Variants in CSPG4 observed in about 807,000 individuals in gnomAD.
The protein encoded by CSPG4 is chondroitin sulfate proteoglycan 4.
A neutral mutation model predicts 139.3 loss-of-function variants in CSPG4; 74 were observed. The observed-to-expected ratio is 0.53, with a 90% CI of 0.44 to 0.64. The LOEUF is 0.64. Ranked by LOEUF, CSPG4 falls within the 30% of genes least tolerant of loss-of-function variation. The pLI, the probability that CSPG4 is intolerant of heterozygous loss-of-function variation, is 0.00. For missense variants in CSPG4, 2,565 were observed against 3,148.3 expected, an observed-to-expected ratio of 0.81 and a Z score of 4.43; for synonymous variants, 1,234 against 1,394.2, an observed-to-expected ratio of 0.89 and a Z score of 2.56.
At chr15:75,700,329 T>C (rs1894284521) in intron 1 of CSPG4, among the ~76,000 whole-genome samples, 1 of 150,370 alleles carries the variant, frequency 6.7e-6, no homozygotes, top group Non-Finnish European at 1.5e-5. Flanking sequence ...CACACACTCT[T>C]TCCCTTCCTG....
intron 3 of CSPG4, among the ~76,000 whole-genome samples, chr15:75,685,999 T>C (rs1166727379): frequency 1.3e-5 from 2 of 152,156 alleles, no homozygotes; most frequent in South Asian, 2.1e-4. Flanking sequence ...GGGATCCTCC[T>C]ACCTCAGCCT....
chr15:75,684,015 A>T (rs1894017721), intron 5 of CSPG4, among the ~76,000 whole-genome samples: 1 of 151,878 alleles, frequency 6.6e-6, no homozygotes, highest in Admixed American at 6.6e-5. Context: ...CACATCCTAG[A>T]CCACCAAGGC....
At position 75,686,460 on chromosome 15, in the gene CSPG4, G is replaced by A. The variant is rs569078703; in HGVS notation, c.3790-759C>T. On this transcript the variant is annotated intron_variant, in intron 3 of 9. Transcript: ENST00000308508. Reference sequence around the variant, plus strand: ...AGAGCTCACGCCCCAAAGGCCACACGGGCTCCCTCACCTGATGGGCCAGCC... The same window carrying A: ...AGAGCTCACGCCCCAAAGGCCACACAGGCTCCCTCACCTGATGGGCCAGCC... Among the ~76,000 whole-genome samples, 448 of 151,674 alleles carry A rather than the reference G, an allele frequency of 3.0e-3. 2 individuals carry two copies. The highest frequency in any genetic ancestry group is 9.9e-3 in the African/African-American group (411 of 41,410).
At chr15:75,700,664 C>T (rs1231512469) in intron 1 of CSPG4, among the ~76,000 whole-genome samples, 1 of 152,134 alleles carries the variant, frequency 6.6e-6, no homozygotes, top group Non-Finnish European at 1.5e-5. Flanking sequence ...CCAGGCAGCC[C>T]ATGGCTCATC....
chr15:75,713,408 A>C (rs1345764191), upstream of CSPG4, among the ~76,000 whole-genome samples: 1 of 152,128 alleles, frequency 6.6e-6, no homozygotes, highest in Non-Finnish European at 1.5e-5. Flanking sequence ...TAAGGGAGAG[A>C]TGTCTGGATT....
chr15:75,691,754 G>A (rs11634290), intron 2 of CSPG4, among the ~76,000 whole-genome samples: 64,485 of 152,022 alleles, frequency 0.42, 14,254 homozygotes, highest in Middle Eastern at 0.52. Context: ...CTCCCAGATG[G>A]TAGAATGGGA....
chr15:75,694,066 G>A, intron 1 of CSPG4, among the ~76,000 whole-genome samples: 1 of 152,250 alleles, frequency 6.6e-6, no homozygotes. Context: ...CCGTGGCCAA[G>A]GAACCAGGGA....
intron 8 of CSPG4, chr15:75,680,174 G>T (rs1893953850): frequency 6.5e-6 from 1 of 153,020 alleles, no homozygotes; most frequent in South Asian, 2.1e-4. Context: ...CAGGGCCTGG[G>T]CTAAGGGAGA....
Position 75,690,310 on chromosome 15 carries a change from T to C in CSPG4, c.755A>G (p.Tyr252Cys), listed in dbSNP as rs776268651. 1 of 1,612,790 alleles carries C rather than the reference T, an allele frequency of 6.2e-7. No homozygotes were observed. Among genetic ancestry groups the C allele is most frequent in the African/African-American group, 1.3e-5 (1 of 74,932 alleles). The change falls in exon 3 of 10, where the codon TAT (tyrosine) becomes TGT (cysteine). Residue 252 changes from tyrosine (Y) to cysteine (C), a missense_variant. Physicochemically the swap from Tyr to Cys is radical, Grantham distance 194. Transcript: ENST00000308508. ...CAGGTGGCCCTCAAATATGTCCACA[T>C]AGATGAAGTCCCCACGCCGGCCCCC... is the stretch of plus-strand genomic sequence containing the variant. ...QAGGRRGDFI[Y>C]VDIFEGHLRA...
chr15:75,682,268 G>T (rs1893983630), intron 8 of CSPG4, 25 bp downstream of exon 8: 1 of 1,596,256 alleles, frequency 6.3e-7, no homozygotes, highest in Admixed American at 1.7e-5. Context: ...GCATCTGAGT[G>T]GTGGCTGCAA....
At chr15:75,681,829 AGGATCCACTCTGCCTCT>A (rs1308023604) in intron 8 of CSPG4, among the ~76,000 whole-genome samples, 1 of 152,092 alleles carries the variant, frequency 6.6e-6, no homozygotes, top group Non-Finnish European at 1.5e-5. Flanking sequence ...ATCTGCCCCT[AGGATCCACTCTGCCTCT>A]GGCTGGCACT....
At chr15:75,683,293 G>A (rs1263702578) in intron 5 of CSPG4, among the ~76,000 whole-genome samples, 7 of 152,124 alleles carry the variant, frequency 4.6e-5, no homozygotes, top group Non-Finnish European at 7.4e-5. Flanking sequence ...CTAGTCCTGT[G>A]TGTCCCTCAA....
In CSPG4 at chr15:75,687,748, T is replaced by C. The variant is rs770857859; in HGVS notation, c.3317A>G (p.Gln1106Arg). 1 of 1,612,944 alleles carries C rather than the reference T, an allele frequency of 6.2e-7. No individual in the cohort carries two copies. ...SGADRGWIQL[Q>R]VSDGQHQATA... ...GGCCTGGTGTTGCCCGTCGGACACC[T>C]GCAGCTGGATCCAGCCACGGTCAGC... Residue 1106 changes from glutamine (Q) to arginine (R), a missense_variant, in exon 3 of 10, where the codon CAG (glutamine) becomes CGG (arginine). Gln to Arg is a conservative substitution (Grantham distance 43). Coordinates refer to ENST00000308508, the MANE Select transcript of CSPG4 (RefSeq NM_001897.5). The surrounding 1 kb of genome is among the most constrained non-coding windows in gnomAD (Gnocchi z 5.4).
In CSPG4 at chr15:75,685,651, G is replaced by A; in HGVS notation, c.3840C>T (p.Ser1280=). Residue 1280 remains serine (S), a synonymous_variant, in exon 4 of 10, where the codon AGC becomes AGT. Coordinates refer to ENST00000308508, the MANE Select transcript of CSPG4 (RefSeq NM_001897.5). ...PPADIVFSVK[S]PPSAGYLVMV... ...TCACCAGGTAGCCGGCACTCGGTGGGCTCTTCACTGAGAATACGATGTCTG... is the reference window on the plus strand; with the variant it reads ...TCACCAGGTAGCCGGCACTCGGTGGACTCTTCACTGAGAATACGATGTCTG... 1.2e-6 allele frequency: 2 copies of A among 1,607,242 alleles called. No individual in the cohort carries two copies.
rs371563751 is a variant in CSPG4, at chr15:75,688,428, A to G, written c.2637T>C (p.Ala879=). The G allele has an allele frequency of 5.0e-6, 8 of 1,613,158 alleles. No individual in the cohort carries two copies. In the African/African-American group the frequency reaches 6.7e-5, roughly 13 times the overall value. The change falls in exon 3 of 10, where the codon GCT becomes GCC. Residue 879 remains alanine (A), a synonymous_variant. Transcript: ENST00000308508. ...VEDTFRFRVT[A]PPYFSPLYTF... is the part of the protein sequence containing the mutation. ...TATAGAGTGGGGAGAAATATGGTGG[A>G]GCTGTGACACGGAAACGGAAGGTGT...
chr15:75,678,064 G>C (rs903843355), intron 8 of CSPG4, among the ~76,000 whole-genome samples, 178 bp from the exon 9 acceptor site: 2 of 152,198 alleles, frequency 1.3e-5, no homozygotes, highest in African/African-American at 4.8e-5. Flanking sequence ...GCAGTGCAGA[G>C]CTGGGCTCTG....
intron 1 of CSPG4, among the ~76,000 whole-genome samples, chr15:75,705,792 G>C (rs1475654444): frequency 6.6e-6 from 1 of 152,208 alleles, no homozygotes; most frequent in Non-Finnish European, 1.5e-5. Context: ...CTCCCAAAAA[G>C]GGTGATTTGC....
At chr15:75,691,087 T>C (rs1464681173) in intron 2 of CSPG4, among the ~76,000 whole-genome samples, 1 of 152,150 alleles carries the variant, frequency 6.6e-6, no homozygotes, top group Non-Finnish European at 1.5e-5. Context: ...GGCAGGAGAA[T>C]TGCTTGAACT....
rs375651944 is a variant in CSPG4, at chr15:75,700,281, GGGA to G, written c.89-7051_89-7049del. Among the ~76,000 whole-genome samples, 1,349 of 151,970 alleles carry G rather than the reference GGGA, an allele frequency of 8.9e-3. 12 individuals are homozygous for G. Among genetic ancestry groups the G allele is most frequent in the Non-Finnish European group, 0.014 (922 of 67,902 alleles). On this transcript the variant is annotated intron_variant, in intron 1 of 9. Coordinates refer to ENST00000308508, the MANE Select transcript of CSPG4 (RefSeq NM_001897.5). Reference sequence around the variant, plus strand: ...TGGAGCATCTGCCAATGGCCCCAGTGGGAGGAGGGTGTGAGAGCTGGACCCCAG... The same window carrying G: ...TGGAGCATCTGCCAATGGCCCCAGTGGGAGGGTGTGAGAGCTGGACCCCAG...
Sources: gnomAD v4.1 joint callset for allele counts (sites outside exome capture counted in the v4.1 genomes callset) on GRCh38, gnomAD v4.1.1 for gene constraint, Gnocchi (gnomAD v3.1) non-coding constraint, MANE v1.5 for transcripts, NCBI Gene and HGNC (gene_info 2026-07-23, HGNC 2026-07-21) for gene names.